FAM78B: variants seen among roughly 807,000 people sequenced by gnomAD.
The protein encoded by FAM78B is family with sequence similarity 78 member B.
Under a neutral mutation model 20.0 loss-of-function variants are expected in FAM78B, and 10 were observed. The ratio of observed to expected loss-of-function variants is 0.50; its 90% CI spans 0.31 to 0.85. The LOEUF is 0.85. FAM78B is among the 40% of genes least tolerant of loss of function. The probability of loss-of-function intolerance (pLI) is 0.05; values close to 1 mark genes in which losing one functional copy is unlikely to be tolerated. For missense variants in FAM78B, 283 were observed against 345.0 expected (o/e 0.82, Z 1.42); for synonymous variants, 135 against 132.8 (o/e 1.02, Z -0.12).
chr1:166,095,805 G>C (rs1557898077), intron 1 of FAM78B, among the ~76,000 whole-genome samples: 1 of 152,190 alleles, frequency 6.6e-6, no homozygotes, highest in African/African-American at 2.4e-5. Flanking sequence ...TGTTCTGTGT[G>C]TGTGTGTTGG....
chr1:166,088,332 C>T (rs1652918814), intron 1 of FAM78B, among the ~76,000 whole-genome samples: 1 of 152,114 alleles, frequency 6.6e-6, no homozygotes, highest in African/African-American at 2.4e-5. Flanking sequence ...CAGTGTCATC[C>T]CTGCATGGCC....
chr1:166,074,348 G>A (rs1331844408), intron 1 of FAM78B, among the ~76,000 whole-genome samples: 3 of 152,058 alleles, frequency 2.0e-5, no homozygotes, highest in Non-Finnish European at 2.9e-5. Flanking sequence ...ATCACCATAT[G>A]TATCACCTCC....
chr1:166,139,557 C>T (rs755518114), intron 1 of FAM78B, among the ~76,000 whole-genome samples: 3 of 152,048 alleles, frequency 2.0e-5, no homozygotes, highest in Non-Finnish European at 2.9e-5. Flanking sequence ...AGAAGGAGCC[C>T]ATAAGGCAGC....
rs58635805 is a variant in FAM78B, at chr1:166,109,854, A to ATGTATGTG, written c.264-39092_264-39091insCACATACA. Among the ~76,000 whole-genome samples the ATGTATGTG allele has an allele frequency of 1.5e-3, 24 of 15,710 alleles. 3 individuals are homozygous for ATGTATGTG. Among genetic ancestry groups the ATGTATGTG allele is most frequent in the African/African-American group, 1.9e-3 (15 of 8,084 alleles). 10.3% of individuals were successfully genotyped at this position (15,710 alleles called of 152,430 possible). Reference sequence around the variant, plus strand: ...TATGTATATATGTATATATATATATATATATATGTATGTGTATATATATAT... The same window carrying ATGTATGTG: ...TATGTATATATGTATATATATATATATGTATGTGTATATATGTATGTGTATATATATAT... On this transcript the variant is annotated intron_variant, in intron 1 of 1. Coordinates refer to ENST00000354422, the MANE Select transcript of FAM78B (RefSeq NM_001017961.5).
rs372134890 is a variant in FAM78B at position 166,084,237 on chromosome 1, ACTCTCTCT to A, written c.264-13482_264-13475del. ...CACACACACACACACACACACACAC[ACTCTCTCT>A]CTCTCTCTCTCTCTCTCTCTTTCTC... On this transcript the variant is annotated intron_variant, in intron 1 of 1. Transcript: ENST00000354422. Among the ~76,000 whole-genome samples the A allele has an allele frequency of 2.5e-3, 309 of 125,464 alleles. 1 individual carries two copies. Among genetic ancestry groups the A allele is most frequent in the African/African-American group, 5.8e-3 (200 of 34,200 alleles). 82.3% of individuals were successfully genotyped at this position (125,464 alleles called of 152,430 possible).
intron 1 of FAM78B, among the ~76,000 whole-genome samples, chr1:166,135,531 G>C (rs190636002): frequency 1.3e-3 from 204 of 152,344 alleles, no homozygotes; most frequent in Non-Finnish European, 2.4e-3. Context: ...CTAGCAATAA[G>C]TAACAAGATT....
chr1:166,102,593 G>A (rs967645209), intron 1 of FAM78B, among the ~76,000 whole-genome samples: 1 of 152,070 alleles, frequency 6.6e-6, no homozygotes, highest in Non-Finnish European at 1.5e-5. Flanking sequence ...AACCAACAAA[G>A]ATCAAAAGAG....
intron 1 of FAM78B, among the ~76,000 whole-genome samples, chr1:166,165,407 C>T (rs1179125251): frequency 6.6e-6 from 1 of 152,140 alleles, no homozygotes; most frequent in Non-Finnish European, 1.5e-5. Context: ...CTGTGTCCGG[C>T]TTGTGGTTCC....
At chr1:166,072,310 G>A (rs60360517) in intron 1 of FAM78B, among the ~76,000 whole-genome samples, 23,008 of 152,152 alleles carry the variant, frequency 0.15, 1,917 homozygotes, top group African/African-American at 0.22. Flanking sequence ...TTGGCTGCCT[G>A]GGGAGGAGGT....
At chr1:166,064,230 T>C (rs1035406897) in intron 2 of FAM78B, among the ~76,000 whole-genome samples, 8 of 152,196 alleles carry the variant, frequency 5.3e-5, no homozygotes, top group Admixed American at 2.0e-4. Context: ...TTCTTCATTT[T>C]ACTTGCACCC....
In FAM78B at chr1:166,086,755, A is replaced by C. The variant is rs1353732167; in HGVS notation, c.264-15992T>G. Among the ~76,000 whole-genome samples, 3 of 152,146 alleles carry C rather than the reference A, an allele frequency of 2.0e-5. No homozygotes were observed. The East Asian group carries it at 5.8e-4, about 29-fold the overall frequency. The stretch of plus-strand genomic sequence containing the variant: ...GTACCCTGGTGACAGGACCATAGAC[A>C]TGTCTTACCAGGCAGATGCCAGCTT... On this transcript the variant is annotated intron_variant, in intron 1 of 1. Transcript: ENST00000354422.
At chr1:166,134,816 T>C (rs991669020) in intron 1 of FAM78B, among the ~76,000 whole-genome samples, 5 of 152,232 alleles carry the variant, frequency 3.3e-5, no homozygotes, top group African/African-American at 7.2e-5. Context: ...CATGATGCTC[T>C]CTAAAGGTTC....
chr1:166,064,428 C>A (rs1458232450), downstream of FAM78B, among the ~76,000 whole-genome samples: 1 of 152,140 alleles, frequency 6.6e-6, no homozygotes, highest in African/African-American at 2.4e-5. Context: ...TTAAACTAGG[C>A]AAATTGGGCT....
intron 1 of FAM78B, among the ~76,000 whole-genome samples, chr1:166,149,602 G>A (rs183766495): frequency 5.6e-4 from 85 of 152,286 alleles, no homozygotes; most frequent in African/African-American, 2.0e-3. Flanking sequence ...CTCATTACAT[G>A]GAGAACAATA....
intron 1 of FAM78B, among the ~76,000 whole-genome samples, chr1:166,132,180 A>G (rs1654900173): frequency 6.6e-6 from 1 of 152,236 alleles, no homozygotes; most frequent in Non-Finnish European, 1.5e-5. Flanking sequence ...ATGTCCTATC[A>G]TTACTATTGT....
intron 1 of FAM78B, among the ~76,000 whole-genome samples, chr1:166,074,925 A>T (rs1047314795): frequency 6.6e-6 from 1 of 152,238 alleles, no homozygotes; most frequent in African/African-American, 2.4e-5. Flanking sequence ...TTGTGAAGGA[A>T]ATGGCATATG....
rs1452706709 is a variant in FAM78B, at chr1:166,100,372, C to T, written c.264-29609G>A. On this transcript the variant is annotated intron_variant, in intron 1 of 1. Transcript: ENST00000354422. Reference sequence around the variant, plus strand: ...AGGACAGTAGGTGCAGTGCACCTAGCATGAGCCGAAGCAGGGCAAGGCATT... The same window carrying T: ...AGGACAGTAGGTGCAGTGCACCTAGTATGAGCCGAAGCAGGGCAAGGCATT... Among the ~76,000 whole-genome samples, 3 of 152,278 alleles carry T rather than the reference C, an allele frequency of 2.0e-5. No individual in the cohort carries two copies. In the East Asian group the frequency reaches 5.8e-4, roughly 29 times the overall value.
chr1:166,156,300 A>T (rs1284262004), intron 1 of FAM78B, among the ~76,000 whole-genome samples: 1 of 152,218 alleles, frequency 6.6e-6, no homozygotes, highest in Non-Finnish European at 1.5e-5. Flanking sequence ...GGTCCTGTTT[A>T]CCCTCTCTTG....
At chr1:166,084,237 A>ACACACACACTCTCT (rs771421402) in intron 1 of FAM78B, among the ~76,000 whole-genome samples, 18 of 125,472 alleles carry the variant, frequency 1.4e-4, no homozygotes, top group African/African-American at 4.4e-4. Flanking sequence ...ACACACACAC[A>ACACACACACTCTCT]CTCTCTCTCT....
Sources: allele counts gnomAD v4.1 joint callset (sites outside exome capture counted in the v4.1 genomes callset), GRCh38; gene constraint gnomAD v4.1.1; transcripts MANE v1.5; gene names NCBI Gene and HGNC (gene_info 2026-07-23, HGNC 2026-07-21).